Variants in RSU1 observed in about 807,000 individuals in gnomAD.
The protein encoded by RSU1 is rsu-1.
RSU1 carries 26 observed loss-of-function variants against 31.1 expected under a neutral mutation model. That is an observed-to-expected ratio of 0.84 (90% confidence interval 0.61 to 1.16). The LOEUF is 1.16. Ranked by LOEUF, RSU1 falls within the 50% of genes most tolerant of loss-of-function variation. RSU1 has a pLI of 0.00. For missense variants in RSU1, 320 were observed against 339.1 expected (o/e 0.94, Z 0.44); for synonymous variants, 164 against 136.3 (o/e 1.20, Z -1.41).
intron 7 of RSU1, among the ~76,000 whole-genome samples, chr10:16,707,034 C>T (rs1243842041): frequency 6.6e-6 from 1 of 152,164 alleles, no homozygotes; most frequent in African/African-American, 2.4e-5. Context: ...TTTCACAAAA[C>T]ATGACTTCTT....
chr10:16,799,617 G>A (rs947130909), intron 2 of RSU1, among the ~76,000 whole-genome samples: 2 of 144,824 alleles, frequency 1.4e-5, no homozygotes, highest in African/African-American at 2.6e-5. Flanking sequence ...GGTTCTAAGG[G>A]TGAAAAAATT....
chr10:16,657,234 T>G (rs1169272803), intron 8 of RSU1, among the ~76,000 whole-genome samples: 1 of 152,220 alleles, frequency 6.6e-6, no homozygotes, highest in African/African-American at 2.4e-5. Context: ...AGTATTCAAA[T>G]CCAAGTGTGG....
chr10:16,675,204 A>AAT (rs1388008028), intron 8 of RSU1, among the ~76,000 whole-genome samples: 1 of 149,912 alleles, frequency 6.7e-6, no homozygotes, highest in Non-Finnish European at 1.5e-5. Context: ...CTGTCTCAAA[A>AAT]AAAAAAAAAA....
chr10:16,679,869 G>GTTTT (rs71374699), intron 8 of RSU1, among the ~76,000 whole-genome samples: 4 of 124,652 alleles, frequency 3.2e-5, no homozygotes, highest in African/African-American at 9.5e-5. Flanking sequence ...AAAGACTCAA[G>GTTTT]TTTTTTTTTT....
intron 3 of RSU1, among the ~76,000 whole-genome samples, chr10:16,775,959 C>A (rs45561531): frequency 5.3e-5 from 8 of 152,190 alleles, no homozygotes; most frequent in Non-Finnish European, 8.8e-5. Context: ...AAGATAAATT[C>A]ATGACACAGA....
At chr10:16,726,904 T>C (rs1198230061) in intron 7 of RSU1, 2 of 377,860 alleles carry the variant, frequency 5.3e-6, no homozygotes, top group Admixed American at 3.0e-5. Flanking sequence ...AAATCCACCA[T>C]GCAGAAGGGC....
chr10:16,726,025 A>T (rs753364785), intron 7 of RSU1, among the ~76,000 whole-genome samples: 2 of 151,756 alleles, frequency 1.3e-5, no homozygotes, highest in Non-Finnish European at 2.9e-5. Flanking sequence ...ATGCACGTAT[A>T]TATGTGTATA....
At position 16,675,075 on chromosome 10, in the gene RSU1, T is replaced by C. The variant is rs191624369; in HGVS notation, c.731+19948A>G. Among the ~76,000 whole-genome samples, 854 of 151,122 alleles carry C rather than the reference T, an allele frequency of 5.7e-3. 5 individuals are homozygous for C. The highest frequency in any genetic ancestry group is 0.02 in the African/African-American group (818 of 41,170). ...AATAAAAATTAGCTAGGCATGGTGG[T>C]ACATACTGTAACCCCAGCTGTTTGG... On this transcript the variant is annotated intron_variant, in intron 8 of 8. Coordinates refer to ENST00000345264, the MANE Select transcript of RSU1 (RefSeq NM_012425.4).
In RSU1 at chr10:16,748,124, A is replaced by G. The variant is rs561139807; in HGVS notation, c.598+4415T>C. On this transcript the variant is annotated intron_variant, in intron 7 of 8. Coordinates refer to ENST00000345264, the MANE Select transcript of RSU1 (RefSeq NM_012425.4). ...CAGTTTCCTTTTGCTGCTCTAACCA[A>G]TGACTACAAGCAGTGGCTTAAAATA... The G allele has an allele frequency of 7.9e-5, 12 of 152,354 alleles. No individual in the cohort carries two copies. In the East Asian group the frequency reaches 1.7e-3, roughly 22 times the overall value. The allele number at this position is 152,354 out of a possible 1,614,324, so 9.4% of individuals were successfully genotyped here.
intron 8 of RSU1, among the ~76,000 whole-genome samples, chr10:16,603,954 A>C (rs558203772): frequency 8.1e-4 from 123 of 152,344 alleles, no homozygotes; most frequent in Middle Eastern, 3.4e-3. Flanking sequence ...TACTATGAAA[A>C]TGCACTAACT....
intron 7 of RSU1, among the ~76,000 whole-genome samples, chr10:16,728,653 C>T (rs904941151): frequency 6.6e-6 from 1 of 152,152 alleles, no homozygotes; most frequent in Non-Finnish European, 1.5e-5. Flanking sequence ...GCAAAAGGGA[C>T]TTTGTCGAAG....
intron 3 of RSU1, among the ~76,000 whole-genome samples, chr10:16,771,363 T>C (rs1400765319): frequency 6.6e-6 from 1 of 152,126 alleles, no homozygotes; most frequent in Non-Finnish European, 1.5e-5. Flanking sequence ...TAGCAGAAAC[T>C]AGATGAAATA....
In RSU1 at chr10:16,620,044, CTA is replaced by C. The variant is rs577224350; in HGVS notation, c.732-26550_732-26549del. Reference sequence around the variant, plus strand: ...TTGACAGGCTACCTATGAATTCATGCTATGTTTCATAATTAACGTGAACATTG... The same window carrying C: ...TTGACAGGCTACCTATGAATTCATGCTGTTTCATAATTAACGTGAACATTG... On this transcript the variant is annotated intron_variant, in intron 8 of 8. Transcript: ENST00000345264. Among the ~76,000 whole-genome samples, 48 of 152,246 alleles carry C rather than the reference CTA, an allele frequency of 3.2e-4. 2 individuals are homozygous for C. The South Asian group carries it at 9.1e-3, about 29-fold the overall frequency.
At chr10:16,773,689 T>C (rs1490450084) in intron 3 of RSU1, among the ~76,000 whole-genome samples, 2 of 152,214 alleles carry the variant, frequency 1.3e-5, no homozygotes, top group Non-Finnish European at 2.9e-5. Context: ...CTTTTCTCTT[T>C]CACTTCCTGC....
At chr10:16,740,679 A>G (rs1259896262) in intron 7 of RSU1, among the ~76,000 whole-genome samples, 1 of 152,220 alleles carries the variant, frequency 6.6e-6, no homozygotes, top group Admixed American at 6.5e-5. Flanking sequence ...GCAACCAACA[A>G]CCCAAAAGTA....
intron 8 of RSU1, among the ~76,000 whole-genome samples, chr10:16,655,074 AAGAGAGAG>A (rs201489029): frequency 1.3e-5 from 1 of 77,510 alleles, no homozygotes; most frequent in Non-Finnish European, 2.7e-5. Flanking sequence ...AAAAAAAAAA[AAGAGAGAG>A]AGAGAGAGAG....
chr10:16,740,335 T>A (rs549703202), intron 7 of RSU1, among the ~76,000 whole-genome samples: 1 of 152,088 alleles, frequency 6.6e-6, no homozygotes, highest in Non-Finnish European at 1.5e-5. Flanking sequence ...AAACAAAAAA[T>A]AGAAGGGCAT....
At chr10:16,689,804 G>C (rs190151496) in intron 8 of RSU1, among the ~76,000 whole-genome samples, 5 of 152,318 alleles carry the variant, frequency 3.3e-5, no homozygotes, top group African/African-American at 1.2e-4. Context: ...CTTTTCCGGA[G>C]AGAGAAAAGA....
At chr10:16,813,226 T>C (rs919661077) in intron 2 of RSU1, among the ~76,000 whole-genome samples, 3 of 152,200 alleles carry the variant, frequency 2.0e-5, no homozygotes, top group Admixed American at 6.5e-5. Flanking sequence ...TTACATGCCA[T>C]GTTAAAACAA....
Sources: allele counts gnomAD v4.1 joint callset (sites outside exome capture counted in the v4.1 genomes callset), GRCh38; gene constraint gnomAD v4.1.1; transcripts MANE v1.5; gene names NCBI Gene and HGNC (gene_info 2026-07-23, HGNC 2026-07-21).